Variants in ARHGEF10 observed in about 807,000 individuals in gnomAD.
The protein encoded by ARHGEF10 is Rho guanine nucleotide exchange factor 10, also known as Rho guanine nucleotide exchange factor (GEF) 10.
Under a neutral mutation model 147.4 loss-of-function variants are expected in ARHGEF10, and 140 were observed. The observed-to-expected ratio is 0.95, with a 90% CI of 0.83 to 1.09. ARHGEF10 has a LOEUF of 1.09. Ranked by LOEUF, ARHGEF10 falls within the 50% of genes least tolerant of loss-of-function variation. The pLI is 0.00. For missense variants in ARHGEF10, 2,222 were observed against 1,752.7 expected (o/e 1.27, Z -4.78); for synonymous variants, 902 against 695.8 (o/e 1.30, Z -4.67).
chr8:1,838,033 G>T (rs1486306928), intron 1 of ARHGEF10, among the ~76,000 whole-genome samples: 1 of 152,184 alleles, frequency 6.6e-6, no homozygotes, highest in African/African-American at 2.4e-5. Flanking sequence ...CCTCCATAGA[G>T]TTCAGGGCGT....
In ARHGEF10 at chr8:1,922,966, A is replaced by C; in HGVS notation, c.2146A>C (p.Lys716Gln). The change falls in exon 19 of 29, where the codon AAA becomes CAA. Residue 716 changes from lysine to glutamine, a missense_variant and splice_region_variant. Transcript: ENST00000349830. ...TTTTCTTTTTGCTTATTTTGTAGAC[A>C]AAGTTTACATGGGGCCAGGACAACT... ...LAVVANAKPN[K>Q]VYMGPGQLYQ... The C allele has an allele frequency of 6.2e-7, 1 of 1,608,892 alleles. No homozygotes were observed. Among genetic ancestry groups the C allele is most frequent in the Non-Finnish European group, 8.5e-7 (1 of 1,175,882 alleles).
At position 1,860,028 on chromosome 8, in the gene ARHGEF10, G is replaced by T. The variant is rs752653850; in HGVS notation, c.325G>T (p.Val109Leu). ...PFQEDQPPTP[V>L]PSAEEENVGL... Reference sequence around the variant, plus strand: ...CCAGGAGGACCAGCCGCCCACCCCCGTGCCCAGCGCTGAGGAGGAGAATGT... The same window carrying T: ...CCAGGAGGACCAGCCGCCCACCCCCTTGCCCAGCGCTGAGGAGGAGAATGT... Residue 109 changes from valine to leucine, a missense_variant, in exon 4 of 29, where the codon GTG (valine) becomes TTG (leucine). Physicochemically the swap from Val to Leu is conservative, Grantham distance 32 (BLOSUM62 1). Coordinates refer to ENST00000349830, the MANE Select transcript of ARHGEF10 (RefSeq NM_014629.4). 12 of 1,613,784 alleles carry T rather than the reference G, an allele frequency of 7.4e-6. No homozygotes were observed. In the South Asian group the frequency reaches 1.1e-4, roughly 15 times the overall value.
chr8:1,920,943 T>C (rs544850277), intron 18 of ARHGEF10, among the ~76,000 whole-genome samples: 285 of 152,242 alleles, frequency 1.9e-3, no homozygotes, highest in Non-Finnish European at 3.4e-3. Flanking sequence ...TGCACCATCA[T>C]GCCCAGCTAA....
upstream of ARHGEF10, among the ~76,000 whole-genome samples, chr8:1,823,451 G>A (rs180813808): frequency 0.033 from 4,474 of 136,202 alleles, 175 homozygotes; most frequent in East Asian, 0.14. Context: ...CGATGTTCTG[G>A]GGGGGGGAGC....
chr8:1,842,801 G>A (rs757893719), intron 1 of ARHGEF10, among the ~76,000 whole-genome samples: 98 of 152,328 alleles, frequency 6.4e-4, no homozygotes, highest in Non-Finnish European at 1.1e-3. Context: ...AGGGAAACAC[G>A]AAGTGTAGAC....
At chr8:1,898,310 T>A (rs1563253411) in intron 14 of ARHGEF10, 123 bp from the exon 15 acceptor site, 1 of 838,564 alleles carries the variant, frequency 1.2e-6, no homozygotes, top group East Asian at 2.6e-5. Flanking sequence ...TTCTTGTAGC[T>A]GAAGACAAGG....
At chr8:1,873,177 G>C (rs1327259389) in intron 7 of ARHGEF10, among the ~76,000 whole-genome samples, 1 of 152,168 alleles carries the variant, frequency 6.6e-6, no homozygotes, top group Non-Finnish European at 1.5e-5. Context: ...GTTTCCGAAA[G>C]AAACTCACGC....
rs1308733970 is a variant in ARHGEF10, at chr8:1,937,846, T to C, written c.3222+3904T>C. Among the ~76,000 whole-genome samples, 1 of 152,198 alleles carries C rather than the reference T, an allele frequency of 6.6e-6. No homozygotes were observed. The highest frequency in any genetic ancestry group is 1.5e-5 in the Non-Finnish European group (1 of 68,040). On this transcript the variant is annotated intron_variant, in intron 26 of 28. Coordinates refer to ENST00000349830, the MANE Select transcript of ARHGEF10 (RefSeq NM_014629.4). This position sits in a 1 kb window ranked among gnomAD's most constrained non-coding sequence, Gnocchi z 4.9. ...TTGGGTTGAGCGGGTTGGGAGATGC[T>C]AGCCATATTTGGAAGAAAAAGGCAC...
At chr8:1,832,404 G>GCAGA (rs1803185142) in intron 1 of ARHGEF10, among the ~76,000 whole-genome samples, 1 of 53,068 alleles carries the variant, frequency 1.9e-5, no homozygotes, top group African/African-American at 8.2e-5. Flanking sequence ...ACAGAGAGAG[G>GCAGA]CAGAGGCAGA....
intron 1 of ARHGEF10, among the ~76,000 whole-genome samples, chr8:1,841,100 C>T (rs1263777789): frequency 6.6e-6 from 1 of 152,238 alleles, no homozygotes; most frequent in Non-Finnish European, 1.5e-5. Flanking sequence ...CATCAGCCAC[C>T]CGCCCTCAGC....
At chr8:1,923,895 G>T (rs200062500) in intron 21 of ARHGEF10, 21 bp downstream of exon 21, 116 of 1,607,706 alleles carry the variant, frequency 7.2e-5, no homozygotes, top group Non-Finnish European at 6.8e-5. Flanking sequence ...GCTGGCTGAG[G>T]CTGAATGAGG....
At chr8:1,864,233 A>C (rs1806389549) in intron 4 of ARHGEF10, 140 bp from the exon 5 acceptor site, 5 of 813,356 alleles carry the variant, frequency 6.1e-6, no homozygotes, top group Non-Finnish European at 1.0e-5. Flanking sequence ...AAAAATTTTT[A>C]AGTTTATTAA....
intron 4 of ARHGEF10, among the ~76,000 whole-genome samples, chr8:1,861,298 A>G (rs2129077982): frequency 6.6e-6 from 1 of 152,346 alleles, no homozygotes; most frequent in East Asian, 1.9e-4. Flanking sequence ...GTTCTGCTGG[A>G]AGGACAGCGT....
At chr8:1,951,457 C>T (rs891355473) in intron 27 of ARHGEF10, among the ~76,000 whole-genome samples, 6 of 152,150 alleles carry the variant, frequency 3.9e-5, no homozygotes, top group African/African-American at 9.7e-5. Flanking sequence ...TAATATGAAT[C>T]GGCGTTTAGA....
At chr8:1,889,084 C>T (rs1479315220) in intron 11 of ARHGEF10, among the ~76,000 whole-genome samples, 7 of 56,132 alleles carry the variant, frequency 1.2e-4, no homozygotes, top group Admixed American at 1.7e-4. Flanking sequence ...GGTGAGGGGT[C>T]CGTGAGGAGA....
At chr8:1,919,062 AG>A (rs1225545586) in intron 18 of ARHGEF10, among the ~76,000 whole-genome samples, 1 of 121,310 alleles carries the variant, frequency 8.2e-6, no homozygotes, top group Non-Finnish European at 1.7e-5. Flanking sequence ...TGTTCTGTAG[AG>A]TGATAGAGCT....
At chr8:1,951,058 G>A (rs1254260665) in intron 27 of ARHGEF10, among the ~76,000 whole-genome samples, 1 of 152,304 alleles carries the variant, frequency 6.6e-6, no homozygotes, top group African/African-American at 2.4e-5. Flanking sequence ...AGTGCCACAC[G>A]GAGGGCCGGG....
At chr8:1,879,590 T>C (rs2129118523) in intron 8 of ARHGEF10, among the ~76,000 whole-genome samples, 1 of 151,560 alleles carries the variant, frequency 6.6e-6, no homozygotes, top group South Asian at 2.1e-4. Flanking sequence ...TCTTACTCTG[T>C]CTGCCAGGCT....
At chr8:1,851,761 A>T (rs566760405) in intron 2 of ARHGEF10, among the ~76,000 whole-genome samples, 30 of 152,128 alleles carry the variant, frequency 2.0e-4, no homozygotes, top group Admixed American at 9.8e-4. Context: ...AAAAATAATA[A>T]AACTTAGCCA....
Sources: allele counts gnomAD v4.1 joint callset (sites outside exome capture counted in the v4.1 genomes callset), GRCh38; gene constraint gnomAD v4.1.1; non-coding constraint Gnocchi (gnomAD v3.1); transcripts MANE v1.5; gene names NCBI Gene and HGNC (gene_info 2026-07-23, HGNC 2026-07-21).